Variants in EPB41 observed in about 807,000 individuals in gnomAD.
EPB41 encodes the protein protein 4.1.
In EPB41, 65 loss-of-function variants were observed where a neutral mutation model predicts 108.0. The ratio of observed to expected loss-of-function variants is 0.60; its 90% confidence interval spans 0.49 to 0.74. The LOEUF is 0.74. Among genes scored for constraint, EPB41 ranks in the 30% least tolerant of loss-of-function variants. The pLI is 0.00. For missense variants in EPB41, 875 were observed against 1,037.0 expected (o/e 0.84, Z 2.15); for synonymous variants, 336 against 358.9 (o/e 0.94, Z 0.72).
At chr1:29,039,203 G>A (rs1390324159) in intron 10 of EPB41, 51 bp from the exon 11 acceptor site, 2 of 1,551,540 alleles carry the variant, frequency 1.3e-6, no homozygotes, top group African/African-American at 2.8e-5. Context: ...TACAGTTTTA[G>A]AATAATAAGA....
At chr1:29,085,388 G>A (rs55752163) in intron 16 of EPB41, among the ~76,000 whole-genome samples, 5 of 151,652 alleles carry the variant, frequency 3.3e-5, no homozygotes, top group African/African-American at 9.7e-5. Flanking sequence ...CAAATGATCC[G>A]CCTGCCTCAG....
chr1:29,040,425 C>T (rs369347969), intron 11 of EPB41, among the ~76,000 whole-genome samples: 15 of 152,092 alleles, frequency 9.9e-5, no homozygotes, highest in African/African-American at 2.4e-4. Flanking sequence ...TGATTACAGG[C>T]GTGTGCCACC....
chr1:28,989,205 A>G (rs917322190), intron 2 of EPB41, among the ~76,000 whole-genome samples: 16 of 152,214 alleles, frequency 1.1e-4, no homozygotes, highest in African/African-American at 2.7e-4. Flanking sequence ...AGCTCTTTCT[A>G]TCACCTGTGT....
At chr1:29,116,144 GTC>G in intron 20 of EPB41, among the ~76,000 whole-genome samples, 1 of 124,270 alleles carries the variant, frequency 8.0e-6, no homozygotes, top group East Asian at 2.2e-4. Context: ...GCTGTCACAG[GTC>G]TCTCTTTTTT....
intron 1 of EPB41, among the ~76,000 whole-genome samples, chr1:28,980,665 C>T (rs1056713841): frequency 1.3e-5 from 2 of 151,624 alleles, no homozygotes; most frequent in Non-Finnish European, 2.9e-5. Context: ...TGAAGTGAGC[C>T]GAGATTGTGC....
At position 29,058,658 on chromosome 1, in the gene EPB41, A is replaced by G. The variant is rs767219594; in HGVS notation, c.1902+13A>G. 2 of 1,612,414 alleles carry G rather than the reference A, an allele frequency of 1.2e-6. No homozygotes were observed. Among genetic ancestry groups the G allele is most frequent in the Admixed American group, 3.3e-5 (2 of 59,908 alleles). On this transcript the variant is annotated intron_variant, in intron 13 of 20. Coordinates refer to ENST00000343067, the MANE Select transcript of EPB41 (RefSeq NM_001376013.1). ...TGACCAAACACAGGTTTGTGCCAAT[A>G]GGCCACTTGTTCCTCTTTCCCTCCA...
chr1:28,906,628 G>A (rs1301481988), intron 1 of EPB41, among the ~76,000 whole-genome samples: 3 of 152,096 alleles, frequency 2.0e-5, no homozygotes, highest in Non-Finnish European at 2.9e-5. Flanking sequence ...GAGGTCTTGG[G>A]ACAGATATTA....
At position 28,887,641 on chromosome 1, in the gene EPB41, G is replaced by A. The variant is rs1336829012; in HGVS notation, c.-8+431G>A. 2.0e-6 allele frequency: 2 copies of A among 985,176 alleles called. No individual in the cohort carries two copies. The highest frequency in any genetic ancestry group is 1.2e-4 in the Admixed American group (2 of 16,262). 61.0% of individuals were successfully genotyped at this position (985,176 alleles called of 1,614,324 possible). A position where few individuals can be genotyped will look rare whatever the true frequency, so the allele number is the denominator to read the frequency against. On this transcript the variant is annotated intron_variant, in intron 1 of 16. Coordinates refer to the EPB41 transcript ENST00000347529. This position sits in a 1 kb window ranked among gnomAD's most constrained non-coding sequence, Gnocchi z 4.9. ...GCAGCAGCGCTGGAGCGGGCTGGCG[G>A]CTAGCAGCGGGAGGGGGCTCCGGGG...
intron 19 of EPB41, among the ~76,000 whole-genome samples, 198 bp downstream of exon 19, chr1:29,112,646 A>G (rs1443315179): frequency 1.3e-5 from 2 of 152,194 alleles, no homozygotes; most frequent in Non-Finnish European, 2.9e-5. Flanking sequence ...AGGAAATGTA[A>G]TGGAAAGAAC....
intron 9 of EPB41, among the ~76,000 whole-genome samples, chr1:29,034,558 T>C (rs2150343391): frequency 6.6e-6 from 1 of 152,202 alleles, no homozygotes; most frequent in East Asian, 1.9e-4. Flanking sequence ...AATCATAGTG[T>C]TACTGGCAAT....
chr1:29,063,275 GT>G (rs1646842848), intron 15 of EPB41, among the ~76,000 whole-genome samples: 1 of 152,056 alleles, frequency 6.6e-6, no homozygotes, highest in Non-Finnish European at 1.5e-5. Flanking sequence ...GCAAACTGTT[GT>G]TTCCCCCATA....
intron 7 of EPB41, among the ~76,000 whole-genome samples, chr1:29,022,127 T>G (rs72874971): frequency 7.9e-5 from 12 of 152,282 alleles, no homozygotes; most frequent in African/African-American, 2.9e-4. Flanking sequence ...AGGTCAGTGG[T>G]TATTTTAATG....
At chr1:29,032,975 T>G in intron 8 of EPB41, 118 bp from the exon 9 acceptor site, 1 of 1,023,764 alleles carries the variant, frequency 9.8e-7, no homozygotes, top group South Asian at 1.4e-5. Context: ...CTGAGCTTTA[T>G]TTTTCATTGT....
At chr1:29,105,675 T>G (rs558523425) in intron 17 of EPB41, among the ~76,000 whole-genome samples, 1 of 152,094 alleles carries the variant, frequency 6.6e-6, no homozygotes, top group African/African-American at 2.4e-5. Context: ...CATTTGTTGA[T>G]GGACAGTTGG....
intron 1 of EPB41, among the ~76,000 whole-genome samples, chr1:28,930,685 T>A (rs203281): frequency 0.45 from 67,382 of 150,758 alleles, 17,530 homozygotes; most frequent in East Asian, 0.85. Flanking sequence ...GGGTTTCACC[T>A]TGTTGGCCAG....
chr1:29,102,802 C>G (rs1279916634), intron 17 of EPB41, among the ~76,000 whole-genome samples: 2 of 151,666 alleles, frequency 1.3e-5, no homozygotes, highest in East Asian at 3.9e-4. Flanking sequence ...GACAGAGTTT[C>G]CCTCTTGTCG....
At chr1:28,989,185 G>A (rs2095946588) in intron 2 of EPB41, among the ~76,000 whole-genome samples, 1 of 152,210 alleles carries the variant, frequency 6.6e-6, no homozygotes, top group Non-Finnish European at 1.5e-5. Flanking sequence ...AGATACAGAT[G>A]AGGAAGTCTA....
rs999596849 is a variant in EPB41, at chr1:28,992,160, T to C, written c.469-1170T>C. Among the ~76,000 whole-genome samples, 5 of 152,178 alleles carry C rather than the reference T, an allele frequency of 3.3e-5. No homozygotes were observed. In the South Asian group the frequency reaches 8.3e-4, roughly 25 times the overall value. ...TAGCCAGTGAAGAGACTTCCTGAGG[T>C]TGCAGTGAGAGGGTCATGAAAGATC... On this transcript the variant is annotated intron_variant, in intron 2 of 20. Transcript: ENST00000343067.
In EPB41 at chr1:29,097,877, C is replaced by T. The variant is rs1161361605; in HGVS notation, c.2255C>T (p.Thr752Ile). 11 of 1,613,904 alleles carry T rather than the reference C, an allele frequency of 6.8e-6. No individual in the cohort carries two copies. Among genetic ancestry groups the T allele is most frequent in the Non-Finnish European group, 9.3e-6 (11 of 1,179,920 alleles). Reference sequence around the variant, plus strand: ...AATGCTGTGAAAAGTGAAATCCCAACCAAAGACGTCCCTATTGTCCACACT... The same window carrying T: ...AATGCTGTGAAAAGTGAAATCCCAATCAAAGACGTCCCTATTGTCCACACT... ...NANAVKSEIP[T>I]KDVPIVHTET... Residue 752 changes from threonine to isoleucine, a missense_variant, in exon 17 of 21, where the codon ACC (threonine) becomes ATC (isoleucine). Coordinates refer to ENST00000343067, the MANE Select transcript of EPB41 (RefSeq NM_001376013.1).
Sources: gnomAD v4.1 joint callset for allele counts (sites outside exome capture counted in the v4.1 genomes callset) on GRCh38, gnomAD v4.1.1 for gene constraint, Gnocchi (gnomAD v3.1) non-coding constraint, MANE v1.5 for transcripts, NCBI Gene and HGNC (gene_info 2026-07-23, HGNC 2026-07-21) for gene names.